Variants in SMG1 observed in about 807,000 individuals in gnomAD.
SMG1 encodes the protein SMG1 nonsense mediated mRNA decay associated PI3K related kinase.
A neutral mutation model predicts 419.9 loss-of-function variants in SMG1; 22 were observed. The ratio of observed to expected loss-of-function variants is 0.05; its 90% CI spans 0.04 to 0.07. The LOEUF (loss-of-function observed/expected upper bound fraction) is 0.07. Ranked by LOEUF, SMG1 falls within the 10% of genes least tolerant of loss-of-function variation. The pLI, the probability that SMG1 is intolerant of heterozygous loss-of-function variation, is 1.00. For synonymous variants in SMG1, 1,538 were observed against 1,553.5 expected (o/e 0.99, Z 0.23); for missense variants, 3,185 against 4,342.0 (o/e 0.73, Z 7.49).
Position 18,868,268 on chromosome 16 carries a change from C to T in SMG1, c.3117G>A (p.Leu1039=), listed in dbSNP as rs1374699588. The part of the protein sequence containing the change: ...RIRLSIMRVG[L]LAGQPAVTVR... ...CTGTCACTGCAGGCTGGCCTGCCAA[C>T]AATCCTACCCTCATGATGGAGAGTC... is the stretch of plus-strand genomic sequence containing the variant. Residue 1039 remains leucine, a synonymous_variant, in exon 22 of 63, where the codon TTG becomes TTA. Transcript: ENST00000446231. 5.3e-6 allele frequency: 8 copies of T among 1,510,876 alleles called. No homozygotes were observed. The highest frequency in any genetic ancestry group is 1.4e-5 in the African/African-American group (1 of 73,022). 93.6% of individuals were successfully genotyped at this position (1,510,876 alleles called of 1,614,324 possible).
intron 45 of SMG1, 140 bp downstream of exon 45, chr16:18,837,874 C>A: frequency 1.3e-6 from 1 of 773,388 alleles, no homozygotes; most frequent in Non-Finnish European, 2.1e-6. Context: ...CATCAAACTG[C>A]CATATTTAAC....
intron 6 of SMG1, among the ~76,000 whole-genome samples, chr16:18,888,799 A>G (rs190062487): frequency 6.7e-6 from 1 of 148,630 alleles, no homozygotes; most frequent in African/African-American, 2.5e-5. Context: ...AACTTATTTC[A>G]AATCTAACTT....
At chr16:18,903,238 C>G (rs1463861092) in intron 1 of SMG1, among the ~76,000 whole-genome samples, 1 of 152,198 alleles carries the variant, frequency 6.6e-6, no homozygotes, top group African/African-American at 2.4e-5. Context: ...GACCTCCAAT[C>G]AAATTAGCCA....
chr16:18,835,950 A>G lies in SMG1; in HGVS notation c.8040T>C (p.Cys2680=). 1 of 1,552,546 alleles carries G rather than the reference A, an allele frequency of 6.4e-7. No individual in the cohort carries two copies. Among genetic ancestry groups the G allele is most frequent in the Non-Finnish European group, 8.7e-7 (1 of 1,147,224 alleles). The change falls in exon 48 of 63, where the codon TGT becomes TGC. Residue 2680 remains cysteine, a synonymous_variant. Coordinates refer to ENST00000446231, the MANE Select transcript of SMG1 (RefSeq NM_015092.5). ...CAACTTACTTCCTATAGAGCTCTTG[A>G]CAACGCTCTACTGTGGTGTTACAGA... ...ELICNTTVER[C]QELYRKYEMQ...
At chr16:18,908,479 A>C (rs2037664591) in intron 1 of SMG1, among the ~76,000 whole-genome samples, 1 of 109,618 alleles carries the variant, frequency 9.1e-6, no homozygotes, top group Non-Finnish European at 2.0e-5. Flanking sequence ...TCCGTCTCAA[A>C]AAAAAAAAAA....
chr16:18,810,740 G>A (rs1359839770), intron 62 of SMG1, among the ~76,000 whole-genome samples: 1 of 152,186 alleles, frequency 6.6e-6, no homozygotes, highest in Non-Finnish European at 1.5e-5. Flanking sequence ...TCAGATAATA[G>A]TATTACAACA....
At chr16:18,818,426 T>C (rs1220626745) in intron 56 of SMG1, among the ~76,000 whole-genome samples, 1 of 151,660 alleles carries the variant, frequency 6.6e-6, no homozygotes, top group Non-Finnish European at 1.5e-5. Flanking sequence ...AGAGACAGTG[T>C]CTTGCTATGT....
At chr16:18,890,689 T>C (rs1428144610) in intron 5 of SMG1, among the ~76,000 whole-genome samples, 174 bp downstream of exon 5, 4 of 152,236 alleles carry the variant, frequency 2.6e-5, no homozygotes, top group Non-Finnish European at 5.9e-5. Context: ...GGATTCCATT[T>C]GTATTCAACC....
intron 60 of SMG1, among the ~76,000 whole-genome samples, chr16:18,812,647 TACACAC>T (rs146911328): frequency 7.8e-6 from 1 of 127,658 alleles, no homozygotes; most frequent in African/African-American, 2.6e-5. Context: ...TATACACATA[TACACAC>T]ACACACACAT....
chr16:18,870,742 G>A (rs770436495), intron 17 of SMG1, 31 bp from the exon 18 acceptor site: 34 of 1,570,768 alleles, frequency 2.2e-5, no homozygotes, highest in Admixed American at 3.6e-5. Context: ...CAAAGCAGGT[G>A]TGTTAACATT....
intron 29 of SMG1, among the ~76,000 whole-genome samples, chr16:18,855,581 C>T (rs1383656233): frequency 1.3e-5 from 2 of 152,146 alleles, no homozygotes; most frequent in African/African-American, 4.8e-5. Flanking sequence ...AAATCTTTTA[C>T]TCCCTTTTTC....
intron 5 of SMG1, among the ~76,000 whole-genome samples, chr16:18,890,363 C>A (rs1273935419): frequency 3.3e-5 from 5 of 152,176 alleles, no homozygotes; most frequent in African/African-American, 9.7e-5. Context: ...TCCAGCCAGG[C>A]ACAGTGGCTC....
rs549001300 is a variant in SMG1 at position 18,919,623 on chromosome 16, C to CAA, written c.92+6325_92+6326dup. On this transcript the variant is annotated intron_variant, in intron 1 of 62. Transcript: ENST00000446231. ...TGGGCAACAGAGCAACACTCCGTCT[C>CAA]AAAAAAAAAAATGTGTGTGTGTGTG... is the stretch of plus-strand genomic sequence containing the variant. Among the ~76,000 whole-genome samples, 467 of 116,798 alleles carry CAA rather than the reference C, an allele frequency of 4.0e-3. 8 individuals carry two copies. The highest frequency in any genetic ancestry group is 6.6e-3 in the Non-Finnish European group (357 of 54,354). The allele number at this position is 116,798 out of a possible 152,430, so 76.6% of individuals were successfully genotyped here.
Position 18,908,346 on chromosome 16 carries a change from CAG to C in SMG1, c.93-11392_93-11391del, listed in dbSNP as rs145100482. 9.9e-3 allele frequency among the ~76,000 whole-genome samples: 1,460 copies of C among 147,268 alleles called. 30 individuals are homozygous for C. The highest frequency in any genetic ancestry group is 0.034 in the African/African-American group (1,364 of 39,790). ...CACCACTACACTCCAGCCTGGAGAA[CAG>C]AGTGAGACTCAGTCTCCAAAAAAAA... On this transcript the variant is annotated intron_variant, in intron 1 of 62. Coordinates refer to ENST00000446231, the MANE Select transcript of SMG1 (RefSeq NM_015092.5).
In SMG1 at chr16:18,852,103, A is replaced by G. The variant is rs1177604597; in HGVS notation, c.5016T>C (p.Ile1672=). 1.2e-6 allele frequency: 2 copies of G among 1,613,402 alleles called. No homozygotes were observed. Among genetic ancestry groups the G allele is most frequent in the Admixed American group, 1.7e-5 (1 of 59,914 alleles). The change falls in exon 33 of 63, where the codon ATT becomes ATC. Residue 1672 remains isoleucine, a synonymous_variant. Transcript: ENST00000446231. Reference sequence around the variant, plus strand: ...CCGGCCGACACACAGCCTGTCCAAGAATACCATATATTCTCTCTTTCTCTT... The same window carrying G: ...CCGGCCGACACACAGCCTGTCCAAGGATACCATATATTCTCTCTTTCTCTT... The part of the protein sequence containing the change: ...TEEEKERIYG[I]LGQAVCRPAG...
Position 18,831,774 on chromosome 16 carries a change from C to CATATAT in SMG1, c.8792+1160_8792+1165dup, listed in dbSNP as rs67247211. ...CATCTCAAAAAAAAAAAAAAAAATA[C>CATATAT]ATATATATATATATATACACACACA... On this transcript the variant is annotated intron_variant, in intron 51 of 62. Coordinates refer to ENST00000446231, the MANE Select transcript of SMG1 (RefSeq NM_015092.5). Among the ~76,000 whole-genome samples, 248 of 129,112 alleles carry CATATAT rather than the reference C, an allele frequency of 1.9e-3. 1 individual carries two copies. The highest frequency in any genetic ancestry group is 0.013 in the Middle Eastern group (3 of 232). 84.7% of individuals were successfully genotyped at this position (129,112 alleles called of 152,430 possible).
At chr16:18,814,876 CCT>C (rs1491451756) in intron 60 of SMG1, among the ~76,000 whole-genome samples, 2 of 117,822 alleles carry the variant, frequency 1.7e-5, no homozygotes, top group African/African-American at 6.3e-5. Context: ...CCTCGCCCGG[CCT>C]TTTTTTTTTT....
In SMG1 at chr16:18,884,281, T is replaced by A. The variant is rs552062685; in HGVS notation, c.1022-114A>T. On this transcript the variant is annotated intron_variant, in intron 8 of 62. Coordinates refer to ENST00000446231, the MANE Select transcript of SMG1 (RefSeq NM_015092.5). ...AGAGGTATCTGGTTTTCAAGCAGCA[T>A]ACCCTAAAACATGTCCTATATCATA... The A allele has an allele frequency of 2.2e-5, 12 of 533,610 alleles. No homozygotes were observed. The Admixed American group carries it at 2.9e-4, about 13-fold the overall frequency. 33.1% of individuals were successfully genotyped at this position (533,610 alleles called of 1,614,324 possible). A position where few individuals can be genotyped will look rare whatever the true frequency, so the allele number is the denominator to read the frequency against.
Position 18,835,072 on chromosome 16 carries a change from A to G in SMG1, c.8150T>C (p.Ile2717Thr), listed in dbSNP as rs2033466946. Reference sequence around the variant, plus strand: ...CACTTGTCTAATAAGTCTGCTGTTGATGTCTGCTGCGTATCGCTGCAGGGT... The same window carrying G: ...CACTTGTCTAATAAGTCTGCTGTTGGTGTCTGCTGCGTATCGCTGCAGGGT... ...EMTLQRYAAD[I>T]NSRLIRQVER... The change falls in exon 49 of 63, where the codon ATC becomes ACC. Residue 2717 changes from isoleucine to threonine, a missense_variant. Around this residue, in one of 27 missense-constraint regions of SMG1, gnomAD observed 412 missense variants for 546.6 expected, o/e 0.75. Transcript: ENST00000446231. 6.2e-7 allele frequency: 1 copy of G among 1,613,958 alleles called. No homozygotes were observed. The highest frequency in any genetic ancestry group is 8.5e-7 in the Non-Finnish European group (1 of 1,179,888).
Sources: gnomAD v4.1 joint callset for allele counts (sites outside exome capture counted in the v4.1 genomes callset) on GRCh38, gnomAD v4.1.1 for gene constraint, gnomAD v4.1.1 regional missense constraint, MANE v1.5 for transcripts, NCBI Gene and HGNC (gene_info 2026-07-23, HGNC 2026-07-21) for gene names.